GRIP2: variants seen among roughly 807,000 people sequenced by gnomAD.
GRIP2 encodes glutamate receptor-interacting protein 2.
A neutral mutation model predicts 108.3 loss-of-function variants in GRIP2; 58 were observed. The observed-to-expected ratio is 0.54, with a 90% CI of 0.43 to 0.67. GRIP2 has a LOEUF of 0.67. Ranked by LOEUF, GRIP2 falls within the 30% of genes least tolerant of loss-of-function variation. The pLI, the probability that GRIP2 is intolerant of heterozygous loss-of-function variation, is 0.00. For synonymous variants in GRIP2, 586 were observed against 598.2 expected (o/e 0.98, Z 0.30); for missense variants, 1,278 against 1,430.6 (o/e 0.89, Z 1.72).
At chr3:14,504,556 C>T (rs1307975800) in intron 20 of GRIP2, among the ~76,000 whole-genome samples, 1 of 152,146 alleles carries the variant, frequency 6.6e-6, no homozygotes, top group Non-Finnish European at 1.5e-5. Flanking sequence ...GTGATCTGCC[C>T]ACTTCAGCCT....
intron 1 of GRIP2, among the ~76,000 whole-genome samples, chr3:14,535,177 G>A (rs771490741): frequency 5.1e-4 from 77 of 152,258 alleles, no homozygotes; most frequent in Non-Finnish European, 9.1e-4. Context: ...ACCAAGTGAC[G>A]GTCCAGCCCC....
In GRIP2 at chr3:14,547,349, T is replaced by C. The variant is rs191259237; in HGVS notation, c.55+8551A>G. Among the ~76,000 whole-genome samples the C allele has an allele frequency of 1.1e-3, 171 of 152,164 alleles. 3 individuals carry two copies. Among genetic ancestry groups the C allele is most frequent in the African/African-American group, 3.8e-3 (158 of 41,512 alleles). ...AAAGACCTGTTTCACCTATTTCAAGTGCAAGTTTAGAGGGAAGGAATTTGG... is the reference window on the plus strand; with the variant it reads ...AAAGACCTGTTTCACCTATTTCAAGCGCAAGTTTAGAGGGAAGGAATTTGG... On this transcript the variant is annotated intron_variant, in intron 1 of 23. Coordinates refer to the GRIP2 transcript ENST00000637182.
chr3:14,597,449 C>T, the GRIP2 span, among the ~76,000 whole-genome samples: 19 of 152,352 alleles, frequency 1.2e-4, no homozygotes, highest in South Asian at 1.0e-3. Context: ...TTTCCTTCCT[C>T]ACCAACTGCA....
chr3:14,505,067 G>C lies in GRIP2; in HGVS notation c.2573+548C>G, dbSNP rs1252232219. The stretch of plus-strand genomic sequence containing the variant: ...GGAGAATTTGAGCTGAGTTTTGAGG[G>C]ATGAGTAGGGATTTGCCAGGAGAGA... On this transcript the variant is annotated intron_variant, in intron 20 of 23. Coordinates refer to ENST00000621039, the MANE Select transcript of GRIP2 (RefSeq NM_001080423.4). The surrounding 1 kb of genome is among the most constrained non-coding windows in gnomAD (Gnocchi z 4.2). 6.6e-6 allele frequency among the ~76,000 whole-genome samples: 1 copy of C among 152,158 alleles called. No individual in the cohort carries two copies. The highest frequency in any genetic ancestry group is 1.5e-5 in the Non-Finnish European group (1 of 68,026).
the GRIP2 span, among the ~76,000 whole-genome samples, chr3:14,571,264 C>T: frequency 1.3e-5 from 2 of 152,178 alleles, no homozygotes; most frequent in South Asian, 2.1e-4. Flanking sequence ...ACCTTCCTCA[C>T]TCACATTGCC....
intron 4 of GRIP2, chr3:14,523,998 C>G (rs1694482884): frequency 2.0e-6 from 1 of 495,224 alleles, no homozygotes; most frequent in African/African-American, 1.9e-5. Flanking sequence ...CAGACAGTTA[C>G]TCAAACTTCA....
At chr3:14,556,210 GC>G (rs1165073439), upstream of GRIP2, 6 of 384,218 alleles carry the variant, frequency 1.6e-5, no homozygotes, top group Non-Finnish European at 2.8e-5. Context: ...AGCCTCTGCA[GC>G]AAACCTCCAG....
At chr3:14,581,439 G>T in the GRIP2 span, among the ~76,000 whole-genome samples, 1 of 152,196 alleles carries the variant, frequency 6.6e-6, no homozygotes, top group Non-Finnish European at 1.5e-5. Context: ...TGTCCATGTG[G>T]TTCACAGGGC....
chr3:14,528,696 T>TAA (rs56364074), intron 1 of GRIP2, among the ~76,000 whole-genome samples: 20 of 149,482 alleles, frequency 1.3e-4, no homozygotes, highest in South Asian at 2.1e-4. Context: ...TCTCCCTAAT[T>TAA]AAAAAAAAAA....
At chr3:14,519,781 C>G (rs1694353626) in intron 9 of GRIP2, among the ~76,000 whole-genome samples, 1 of 152,210 alleles carries the variant, frequency 6.6e-6, no homozygotes, top group South Asian at 2.1e-4. Flanking sequence ...CTGAGAAGAG[C>G]CCAGGATCTA....
chr3:14,556,536 T>C (rs562496393), upstream of GRIP2, among the ~76,000 whole-genome samples: 3 of 152,286 alleles, frequency 2.0e-5, no homozygotes, highest in South Asian at 6.2e-4. Context: ...AAGAGTCCAC[T>C]TGTCCTGTGT....
upstream of GRIP2, among the ~76,000 whole-genome samples, chr3:14,543,197 C>A (rs925841466): frequency 6.6e-6 from 1 of 152,200 alleles, no homozygotes; most frequent in African/African-American, 2.4e-5. Flanking sequence ...GGGTCTCGCT[C>A]CTCCAAGTGC....
chr3:14,520,419 G>T lies in GRIP2; in HGVS notation c.831C>A (p.Asp277Glu), dbSNP rs1227989025. Residue 277 changes from aspartate (D) to glutamate (E), a missense_variant, in exon 8 of 24, where the codon GAC becomes GAA. Transcript: ENST00000621039. ...CCACCACGCTGGCTGGCTTGATGCG[G>T]TCGATGGTAATGACTGACTTGTTCC... ...SLRNKSVITI[D>E]RIKPASVVDR... 7 of 1,613,196 alleles carry T rather than the reference G, an allele frequency of 4.3e-6. No homozygotes were observed. The highest frequency in any genetic ancestry group is 5.9e-6 in the Non-Finnish European group (7 of 1,179,592).
chr3:14,594,084 C>T, the GRIP2 span, among the ~76,000 whole-genome samples: 2 of 152,210 alleles, frequency 1.3e-5, no homozygotes, highest in African/African-American at 4.8e-5. Flanking sequence ...GGGCCTAGAC[C>T]TGCCTGTTCT....
intron 1 of GRIP2, among the ~76,000 whole-genome samples, chr3:14,553,106 CTTTT>C (rs35902290): frequency 9.1e-5 from 12 of 131,452 alleles, no homozygotes; most frequent in African/African-American, 1.2e-4. Flanking sequence ...ATTTTCTTTC[CTTTT>C]TTTTTTTTTT....
In GRIP2 at chr3:14,493,401, C is replaced by T. The variant is rs909298663; in HGVS notation, c.*264G>A. 7.5e-5 allele frequency: 36 copies of T among 482,588 alleles called. No homozygotes were observed. Among genetic ancestry groups the T allele is most frequent in the Non-Finnish European group, 1.1e-4 (31 of 272,024 alleles). 29.9% of individuals were successfully genotyped at this position (482,588 alleles called of 1,614,324 possible). A position where few individuals can be genotyped will look rare whatever the true frequency, so the allele number is the denominator to read the frequency against. On this transcript the variant is annotated 3_prime_UTR_variant, in exon 24 of 24. Coordinates refer to ENST00000621039, the MANE Select transcript of GRIP2 (RefSeq NM_001080423.4). Reference sequence around the variant, plus strand: ...CTCGGCTGAGCAGCCTGTGCCAACCCTTCTTAAGGGAGGCTCCTCTGGGCA... The same window carrying T: ...CTCGGCTGAGCAGCCTGTGCCAACCTTTCTTAAGGGAGGCTCCTCTGGGCA...
intron 1 of GRIP2, among the ~76,000 whole-genome samples, chr3:14,528,252 T>C (rs1694616776): frequency 6.6e-6 from 1 of 152,264 alleles, no homozygotes; most frequent in South Asian, 2.1e-4. Flanking sequence ...TGCATCTTTT[T>C]ATGGATGACT....
chr3:14,497,187 G>A (rs768884588), intron 21 of GRIP2, among the ~76,000 whole-genome samples: 3 of 151,844 alleles, frequency 2.0e-5, no homozygotes, highest in Non-Finnish European at 2.9e-5. Flanking sequence ...GGCTGGTTTC[G>A]AACTCCTGAC....
At chr3:14,552,310 T>A (rs916444879) in intron 1 of GRIP2, among the ~76,000 whole-genome samples, 1 of 152,050 alleles carries the variant, frequency 6.6e-6, no homozygotes, top group African/African-American at 2.4e-5. Flanking sequence ...AGTGAATAAT[T>A]CATCACAGAC....
Sources: allele counts gnomAD v4.1 joint callset (sites outside exome capture counted in the v4.1 genomes callset), GRCh38; gene constraint gnomAD v4.1.1; non-coding constraint Gnocchi (gnomAD v3.1); transcripts MANE v1.5; gene names NCBI Gene and HGNC (gene_info 2026-07-23, HGNC 2026-07-21).